PHACTR3: variants seen among roughly 807,000 people sequenced by gnomAD.
PHACTR3 encodes the protein protein phosphatase 1, regulatory subunit 123.
In PHACTR3, 16 loss-of-function variants were observed where a neutral mutation model predicts 66.8. The ratio of observed to expected loss-of-function variants is 0.24; its 90% CI spans 0.16 to 0.36. The LOEUF (loss-of-function observed/expected upper bound fraction) is 0.36, where lower values mean the gene tolerates loss of function less well. Among genes scored for constraint, PHACTR3 ranks in the 10% least tolerant of loss-of-function variants. The pLI, the probability that PHACTR3 is intolerant of heterozygous loss-of-function variation, is 1.00. For missense variants in PHACTR3, 647 were observed against 719.9 expected, an observed-to-expected ratio of 0.90 and a Z score of 1.16; for synonymous variants, 323 against 292.1, an observed-to-expected ratio of 1.11 and a Z score of -1.08.
intron 4 of PHACTR3, among the ~76,000 whole-genome samples, chr20:59,762,936 G>A (rs1812449261): frequency 6.6e-6 from 1 of 152,214 alleles, no homozygotes; most frequent in South Asian, 2.1e-4. Flanking sequence ...ACAAGAGAAG[G>A]ATGGCGTGGG....
In PHACTR3 at chr20:59,830,259, A is replaced by AGAAGAGGGCGTGAGTGTCTGATG. The variant is rs1568864767; in HGVS notation, c.1329-6238_1329-6237insCGTGAGTGTCTGATGGAAGAGGG. 3.1e-4 allele frequency among the ~76,000 whole-genome samples: 44 copies of AGAAGAGGGCGTGAGTGTCTGATG among 142,784 alleles called. No individual in the cohort carries two copies. The highest frequency in any genetic ancestry group is 1.3e-3 in the African/African-American group (42 of 33,536). The allele number at this position is 142,784 out of a possible 152,430, so 93.7% of individuals were successfully genotyped here. Reference sequence around the variant, plus strand: ...ATGGAAGAGGGTATGAGTGTCTGATAGAAGAGGGTATGAGTGTCTGATGGA... The same window carrying AGAAGAGGGCGTGAGTGTCTGATG: ...ATGGAAGAGGGTATGAGTGTCTGATAGAAGAGGGCGTGAGTGTCTGATGGAAGAGGGTATGAGTGTCTGATGGA... On this transcript the variant is annotated intron_variant, in intron 8 of 12. Coordinates refer to ENST00000371015, the MANE Select transcript of PHACTR3 (RefSeq NM_080672.5). The surrounding 1 kb of genome is among the most constrained non-coding windows in gnomAD (Gnocchi z 5.8).
At chr20:59,828,600 C>T (rs975037475) in intron 8 of PHACTR3, among the ~76,000 whole-genome samples, 14 of 151,960 alleles carry the variant, frequency 9.2e-5, no homozygotes, top group African/African-American at 3.1e-4. Flanking sequence ...AGTGGGGCTG[C>T]GGACCCGTGT....
chr20:59,693,994 C>T (rs11698504), intron 1 of PHACTR3, among the ~76,000 whole-genome samples: 5,128 of 152,312 alleles, frequency 0.034, 120 homozygotes, highest in Middle Eastern at 0.075. Context: ...ATGGGAAGAA[C>T]AGAGTTCACT....
chr20:59,815,418 G>GTTTTT lies in PHACTR3; in HGVS notation c.1328+9233_1328+9237dup, dbSNP rs538438640. Among the ~76,000 whole-genome samples the GTTTTT allele has an allele frequency of 8.2e-4, 108 of 131,742 alleles. 5 individuals are homozygous for GTTTTT. Among genetic ancestry groups the GTTTTT allele is most frequent in the East Asian group, 4.0e-3 (17 of 4,254 alleles). 86.4% of individuals were successfully genotyped at this position (131,742 alleles called of 152,430 possible). On this transcript the variant is annotated intron_variant, in intron 8 of 12. Coordinates refer to ENST00000371015, the MANE Select transcript of PHACTR3 (RefSeq NM_080672.5). Reference sequence around the variant, plus strand: ...AGACTCAGCTGTACTTGGGGTTCTGGTTTTTTTTTTTTTGTTTTTTTTTTT... The same window carrying GTTTTT: ...AGACTCAGCTGTACTTGGGGTTCTGGTTTTTTTTTTTTTTTTTTGTTTTTTTTTTT...
chr20:59,679,356 T>C (rs2036565522), intron 1 of PHACTR3, among the ~76,000 whole-genome samples: 1 of 152,206 alleles, frequency 6.6e-6, no homozygotes. Flanking sequence ...TGCGTGTACA[T>C]GCACACACAC....
intron 4 of PHACTR3, among the ~76,000 whole-genome samples, chr20:59,760,512 G>A (rs1038469716): frequency 1.3e-5 from 2 of 152,092 alleles, no homozygotes; most frequent in East Asian, 3.9e-4. Flanking sequence ...GAGATCTGAT[G>A]GTTTTATAAG....
At chr20:59,815,430 TTG>T (rs1472216171) in intron 8 of PHACTR3, among the ~76,000 whole-genome samples, 2 of 149,640 alleles carry the variant, frequency 1.3e-5, no homozygotes, top group Admixed American at 6.6e-5. Flanking sequence ...TTTTTTTTTT[TTG>T]TTTTTTTTTT....
intron 11 of PHACTR3, 160 bp from the exon 12 acceptor site, chr20:59,845,029 G>A (rs1446355567): frequency 1.9e-5 from 10 of 540,520 alleles, no homozygotes; most frequent in African/African-American, 1.2e-4. Context: ...ATAATAATGA[G>A]TATGGCAGTT....
rs1304660168 is a variant in PHACTR3, at chr20:59,836,652, G to A, written c.1384+92G>A. On this transcript the variant is annotated intron_variant, in intron 9 of 12. Coordinates refer to ENST00000371015, the MANE Select transcript of PHACTR3 (RefSeq NM_080672.5). ...AGTTCCCATAACCCAGCCCTTCTCTGCAAGCGGAATGCTCCATGCTCCCAG... is the reference window on the plus strand; with the variant it reads ...AGTTCCCATAACCCAGCCCTTCTCTACAAGCGGAATGCTCCATGCTCCCAG... The A allele has an allele frequency of 4.7e-6, 6 of 1,282,046 alleles. No homozygotes were observed. In the African/African-American group the frequency reaches 6.1e-5, roughly 13 times the overall value. The allele number at this position is 1,282,046 out of a possible 1,614,324, so 79.4% of individuals were successfully genotyped here.
intron 1 of PHACTR3, among the ~76,000 whole-genome samples, chr20:59,613,600 G>A (rs779547916): frequency 1.2e-4 from 19 of 152,318 alleles, no homozygotes; most frequent in South Asian, 8.3e-4. Flanking sequence ...AGCAGGTTCC[G>A]CGGAAGGGGA....
chr20:59,578,427 T>A (rs2032776888), intron 1 of PHACTR3, among the ~76,000 whole-genome samples: 1 of 152,174 alleles, frequency 6.6e-6, no homozygotes, highest in Non-Finnish European at 1.5e-5. Flanking sequence ...TATTACAGAT[T>A]GTTCCAGGGG....
At chr20:59,678,972 G>A (rs2036550956) in intron 1 of PHACTR3, among the ~76,000 whole-genome samples, 1 of 144,456 alleles carries the variant, frequency 6.9e-6, no homozygotes, top group South Asian at 2.4e-4. Context: ...GGGTGGGGGG[G>A]CAAGTAATTT....
chr20:59,759,746 C>T (rs2039932569), intron 4 of PHACTR3, among the ~76,000 whole-genome samples: 2 of 152,186 alleles, frequency 1.3e-5, no homozygotes, highest in Admixed American at 6.5e-5. Context: ...CACCTCAGCA[C>T]CCAAGGGAAC....
intron 1 of PHACTR3, among the ~76,000 whole-genome samples, chr20:59,592,675 G>T (rs368432267): frequency 6.6e-6 from 1 of 152,028 alleles, no homozygotes; most frequent in Admixed American, 6.6e-5. Flanking sequence ...GCAACCCCTG[G>T]CATCCACTCA....
intron 8 of PHACTR3, among the ~76,000 whole-genome samples, chr20:59,835,161 A>G (rs1443098757): frequency 1.3e-5 from 2 of 152,184 alleles, no homozygotes; most frequent in Non-Finnish European, 2.9e-5. Context: ...TCATCTCCTG[A>G]GTGCTTGAAT....
intron 1 of PHACTR3, among the ~76,000 whole-genome samples, chr20:59,729,237 G>A (rs1393377268): frequency 2.6e-5 from 4 of 152,098 alleles, no homozygotes; most frequent in Non-Finnish European, 4.4e-5. Flanking sequence ...GACCTGGGCC[G>A]GGGGAGTCAG....
chr20:59,597,437 A>G (rs1157436019), intron 1 of PHACTR3, among the ~76,000 whole-genome samples: 2 of 152,164 alleles, frequency 1.3e-5, no homozygotes, highest in East Asian at 3.9e-4. Context: ...GGTATATATG[A>G]TGCAATAACA....
intron 3 of PHACTR3, among the ~76,000 whole-genome samples, chr20:59,748,445 T>C (rs1422627603): frequency 2.0e-5 from 3 of 152,186 alleles, no homozygotes; most frequent in African/African-American, 7.2e-5. Flanking sequence ...TCCTGATCTC[T>C]TGGTCTCTGG....
chr20:59,842,945 C>T (rs56089047), intron 11 of PHACTR3, among the ~76,000 whole-genome samples: 5,409 of 152,168 alleles, frequency 0.036, 157 homozygotes, highest in Non-Finnish European at 0.053. Context: ...AGTTATCCCT[C>T]TTTACAGACA....
Sources: gnomAD v4.1 joint callset for allele counts (sites outside exome capture counted in the v4.1 genomes callset) on GRCh38, gnomAD v4.1.1 for gene constraint, Gnocchi (gnomAD v3.1) non-coding constraint, MANE v1.5 for transcripts, NCBI Gene and HGNC (gene_info 2026-07-23, HGNC 2026-07-21) for gene names.